The following TANGO6 variants were observed in gnomAD, a reference collection of about 807,000 sequenced individuals.
TANGO6 encodes transport and golgi organization 6 homolog.
TANGO6 carries 90 observed loss-of-function variants against 114.2 expected under a neutral mutation model. The observed-to-expected ratio is 0.79, with a 90% CI of 0.66 to 0.94. The LOEUF is 0.94. TANGO6 is among the 40% of genes least tolerant of loss of function. TANGO6 has a pLI of 0.00. For missense variants in TANGO6, 1,274 were observed against 1,315.3 expected (o/e 0.97, Z 0.49); for synonymous variants, 477 against 509.8 (o/e 0.94, Z 0.87).
intron 14 of TANGO6, among the ~76,000 whole-genome samples, chr16:68,959,940 A>G: frequency 6.6e-6 from 1 of 152,198 alleles, no homozygotes; most frequent in South Asian, 2.1e-4. Flanking sequence ...TTCTCCTCCT[A>G]CCTGGACCAC....
intron 7 of TANGO6, among the ~76,000 whole-genome samples, chr16:68,889,217 G>GT (rs1224307539): frequency 6.6e-6 from 1 of 152,148 alleles, no homozygotes; most frequent in African/African-American, 2.4e-5. Flanking sequence ...AGACAGCCTG[G>GT]TATATTTGTT....
chr16:68,997,864 C>A (rs145309528), intron 15 of TANGO6, among the ~76,000 whole-genome samples: 30 of 152,286 alleles, frequency 2.0e-4, no homozygotes, highest in African/African-American at 7.0e-4. Context: ...GAAGATCCAT[C>A]TTCTGTAACT....
rs539541268 is a variant in TANGO6, at chr16:69,009,492, G to A, written c.2843-13336G>A. Among the ~76,000 whole-genome samples the A allele has an allele frequency of 2.6e-5, 4 of 152,268 alleles. No homozygotes were observed. In the South Asian group the frequency reaches 6.2e-4, roughly 24 times the overall value. On this transcript the variant is annotated intron_variant, in intron 15 of 17. Coordinates refer to ENST00000261778, the MANE Select transcript of TANGO6 (RefSeq NM_024562.2). The stretch of plus-strand genomic sequence containing the variant: ...TGTAGTAAGTTTTAAAATCAGAAGC[G>A]TGAGTCCTCCAACTTTTTCACTGTT...
intron 11 of TANGO6, among the ~76,000 whole-genome samples, chr16:68,911,201 C>T (rs1281777751): frequency 6.6e-6 from 1 of 152,038 alleles, no homozygotes; most frequent in East Asian, 1.9e-4. Flanking sequence ...ATTCTCCCAC[C>T]TCAGCCTCCC....
At chr16:68,925,541 T>C (rs1277473468) in intron 12 of TANGO6, among the ~76,000 whole-genome samples, 1 of 152,186 alleles carries the variant, frequency 6.6e-6, no homozygotes, top group Non-Finnish European at 1.5e-5. Context: ...TTTACAAATA[T>C]TTTCTCTCAT....
intron 12 of TANGO6, among the ~76,000 whole-genome samples, chr16:68,926,073 GA>G (rs899748555): frequency 7.0e-6 from 1 of 142,702 alleles, no homozygotes; most frequent in African/African-American, 2.7e-5. Flanking sequence ...ATATAGAAGA[GA>G]AATTAAAAAA....
At chr16:69,064,817 A>G (rs1283759742) in intron 17 of TANGO6, among the ~76,000 whole-genome samples, 2 of 152,190 alleles carry the variant, frequency 1.3e-5, no homozygotes, top group African/African-American at 4.8e-5. Flanking sequence ...TAAACACTCA[A>G]TCAGCAGTAG....
chr16:69,062,495 C>T (rs538861206), intron 17 of TANGO6, among the ~76,000 whole-genome samples: 3 of 151,810 alleles, frequency 2.0e-5, no homozygotes, highest in East Asian at 3.9e-4. Context: ...TTTTTTGAGA[C>T]GGAGTCTCAC....
At chr16:68,866,571 C>T (rs542110271) in intron 3 of TANGO6, among the ~76,000 whole-genome samples, 3 of 148,708 alleles carry the variant, frequency 2.0e-5, no homozygotes, top group South Asian at 2.1e-4. Context: ...TGCAGTGAGC[C>T]GAGATTGCGC....
At chr16:68,995,219 C>G (rs75089078) in intron 15 of TANGO6, among the ~76,000 whole-genome samples, 1 of 152,178 alleles carries the variant, frequency 6.6e-6, no homozygotes, top group Non-Finnish European at 1.5e-5. Context: ...CCCCTGAAAT[C>G]TTTTCTAACC....
chr16:68,933,508 G>C (rs954121541), intron 14 of TANGO6, among the ~76,000 whole-genome samples: 1 of 152,164 alleles, frequency 6.6e-6, no homozygotes, highest in Non-Finnish European at 1.5e-5. Flanking sequence ...CCCACTGAAG[G>C]TTCAGCGGGG....
chr16:68,862,630 T>C (rs1457530200), intron 2 of TANGO6, among the ~76,000 whole-genome samples: 3 of 152,070 alleles, frequency 2.0e-5, no homozygotes, highest in Admixed American at 1.3e-4. Context: ...CAGAAGAAAA[T>C]GTGCAGTCAC....
intron 14 of TANGO6, among the ~76,000 whole-genome samples, chr16:68,945,441 T>C (rs186379512): frequency 3.3e-5 from 5 of 152,316 alleles, no homozygotes; most frequent in African/African-American, 4.8e-5. Flanking sequence ...TAGGGAATTA[T>C]ACTTTTGGGG....
At chr16:68,979,578 T>C (rs1327720994) in intron 15 of TANGO6, among the ~76,000 whole-genome samples, 2 of 152,130 alleles carry the variant, frequency 1.3e-5, no homozygotes, top group East Asian at 3.9e-4. Flanking sequence ...TCCAGAGAAG[T>C]TGTGCCAGTT....
At chr16:68,929,065 C>T (rs1274643072) in intron 13 of TANGO6, among the ~76,000 whole-genome samples, 1 of 152,042 alleles carries the variant, frequency 6.6e-6, no homozygotes, top group South Asian at 2.1e-4. Context: ...ATTACAGGTG[C>T]CCACCAACAC....
intron 17 of TANGO6, among the ~76,000 whole-genome samples, chr16:69,044,572 T>G (rs60297444): frequency 0.014 from 2,068 of 152,146 alleles, 50 homozygotes; most frequent in South Asian, 0.092. Flanking sequence ...GATCACAGCT[T>G]TTCTGGCCTG....
rs938860789 is a variant in TANGO6 at position 68,900,258 on chromosome 16, CT to C, written c.1378-175del. On this transcript the variant is annotated intron_variant, in intron 7 of 17. Coordinates refer to ENST00000261778, the MANE Select transcript of TANGO6 (RefSeq NM_024562.2). The stretch of plus-strand genomic sequence containing the variant: ...AGTTCACTGTCTTGTTTCAGCCTGT[CT>C]GCCAAACTCAAATTGTTTCATTGCC... 21 of 592,754 alleles carry C rather than the reference CT, an allele frequency of 3.5e-5. No homozygotes were observed. The African/African-American group carries it at 3.9e-4, about 11-fold the overall frequency. The allele number at this position is 592,754 out of a possible 1,614,324, so 36.7% of individuals were successfully genotyped here. A position where few individuals can be genotyped will look rare whatever the true frequency, so the allele number is the denominator to read the frequency against.
At chr16:68,939,449 A>T (rs1488981960) in intron 14 of TANGO6, among the ~76,000 whole-genome samples, 1 of 152,214 alleles carries the variant, frequency 6.6e-6, no homozygotes, top group Non-Finnish European at 1.5e-5. Context: ...GTCATTAAGT[A>T]GTATTTTATG....
intron 14 of TANGO6, among the ~76,000 whole-genome samples, chr16:68,968,031 A>G (rs1963662714): frequency 6.6e-6 from 1 of 152,054 alleles, no homozygotes; most frequent in Non-Finnish European, 1.5e-5. Context: ...TATTTTACAA[A>G]GTTGACAGTC....
Sources: allele counts gnomAD v4.1 joint callset (sites outside exome capture counted in the v4.1 genomes callset), GRCh38; gene constraint gnomAD v4.1.1; transcripts MANE v1.5; gene names NCBI Gene and HGNC (gene_info 2026-07-23, HGNC 2026-07-21).